CPNE1: variants seen among roughly 807,000 people sequenced by gnomAD.
The protein encoded by CPNE1 is copine-1.
In CPNE1, 58 loss-of-function variants were observed where a neutral mutation model predicts 63.2. The observed-to-expected ratio is 0.92, with a 90% CI of 0.74 to 1.14. The LOEUF is 1.14. Ranked by LOEUF, CPNE1 falls within the 50% of genes most tolerant of loss-of-function variation. The pLI is 0.00. For missense variants in CPNE1, 672 were observed against 661.7 expected, an observed-to-expected ratio of 1.02 and a Z score of -0.17; for synonymous variants, 237 against 249.0, an observed-to-expected ratio of 0.95 and a Z score of 0.45.
intron 1 of CPNE1, among the ~76,000 whole-genome samples, chr20:35,638,837 G>T (rs2032638084): frequency 6.6e-6 from 1 of 152,160 alleles, no homozygotes; most frequent in Non-Finnish European, 1.5e-5. Flanking sequence ...TAAAAATGAA[G>T]AATAAAGTAA....
At chr20:35,644,085 TAC>T (rs2032975861) in intron 1 of CPNE1, among the ~76,000 whole-genome samples, 1 of 152,162 alleles carries the variant, frequency 6.6e-6, no homozygotes, top group African/African-American at 2.4e-5. Context: ...ATGTTAACTT[TAC>T]AGTGTTATTT....
In CPNE1 at chr20:35,644,227, T is replaced by C. The variant is rs142992134; in HGVS notation, c.1-11304A>G. Among the ~76,000 whole-genome samples the C allele has an allele frequency of 3.2e-3, 481 of 152,252 alleles. 1 individual carries two copies. Among genetic ancestry groups the C allele is most frequent in the African/African-American group, 0.011 (446 of 41,540 alleles). On this transcript the variant is annotated intron_variant, in intron 1 of 15. Coordinates refer to ENST00000397443, the MANE Select transcript of CPNE1 (RefSeq NM_152925.3). Reference sequence around the variant, plus strand: ...CCTTTGGGTCCTTCTGCAGTATCATTAACTCCTTCTTGGTTAATTGGACCA... The same window carrying C: ...CCTTTGGGTCCTTCTGCAGTATCATCAACTCCTTCTTGGTTAATTGGACCA...
intron 1 of CPNE1, chr20:35,647,219 C>G (rs1487486352): frequency 6.8e-6 from 1 of 148,066 alleles, no homozygotes; most frequent in East Asian, 2.0e-4. Flanking sequence ...GAGGCTGAGG[C>G]AGGAGAATCG....
intron 1 of CPNE1, chr20:35,654,102 T>C: frequency 6.2e-7 from 1 of 1,614,212 alleles, no homozygotes; most frequent in South Asian, 1.1e-5. Flanking sequence ...ACCTGGGAAG[T>C]GTCTGAGGAG....
intron 1 of CPNE1, among the ~76,000 whole-genome samples, chr20:35,641,969 G>GT (rs767748596): frequency 1.3e-5 from 2 of 152,306 alleles, no homozygotes; most frequent in East Asian, 1.9e-4. Flanking sequence ...GGTGGCCTTG[G>GT]TAAGTTTAAA....
intron 3 of CPNE1, 65 bp downstream of exon 3, chr20:35,632,452 T>A (rs2032217885): frequency 1.2e-6 from 2 of 1,603,338 alleles, no homozygotes; most frequent in Non-Finnish European, 1.7e-6. Context: ...GCCCCCTACC[T>A]CCAGGCAGGC....
At chr20:35,629,969 A>G (rs2032006923) in intron 13 of CPNE1, among the ~76,000 whole-genome samples, 1 of 152,078 alleles carries the variant, frequency 6.6e-6, no homozygotes, top group African/African-American at 2.4e-5. Flanking sequence ...GCCTGGCATG[A>G]CGATTTGATT....
intron 1 of CPNE1, among the ~76,000 whole-genome samples, chr20:35,648,553 G>A (rs1223470786): frequency 6.6e-6 from 1 of 152,166 alleles, no homozygotes; most frequent in African/African-American, 2.4e-5. Context: ...ATTTAATAAT[G>A]GCTCAGCTAC....
chr20:35,661,393 GAAGGAT>G (rs1383834777), intron 1 of CPNE1, among the ~76,000 whole-genome samples: 1 of 152,164 alleles, frequency 6.6e-6, no homozygotes, highest in Non-Finnish European at 1.5e-5. Flanking sequence ...CTGAACTTTA[GAAGGAT>G]AAGACTAAAA....
At chr20:35,653,704 T>A in intron 1 of CPNE1, 2 of 1,614,180 alleles carry the variant, frequency 1.2e-6, no homozygotes, top group Non-Finnish European at 1.7e-6. Context: ...TTTGGCAGAG[T>A]TGACATCCCC....
intron 1 of CPNE1, among the ~76,000 whole-genome samples, chr20:35,634,319 TC>T (rs1284086980): frequency 6.7e-6 from 1 of 149,846 alleles, no homozygotes; most frequent in African/African-American, 2.5e-5. Flanking sequence ...CTCTAGTACT[TC>T]CCATTTCCTA....
chr20:35,638,452 A>T (rs2032612547), intron 1 of CPNE1, among the ~76,000 whole-genome samples: 1 of 152,212 alleles, frequency 6.6e-6, no homozygotes, highest in South Asian at 2.1e-4. Flanking sequence ...CCACAATGAG[A>T]TACTGTTACA....
chr20:35,662,242 C>T (rs2034272497), intron 1 of CPNE1, among the ~76,000 whole-genome samples: 1 of 152,168 alleles, frequency 6.6e-6, no homozygotes, highest in Non-Finnish European at 1.5e-5. Context: ...GTTTCAATCC[C>T]CCCAAATGCC....
chr20:35,628,796 A>G (rs1294864401), intron 13 of CPNE1, among the ~76,000 whole-genome samples: 1 of 152,248 alleles, frequency 6.6e-6, no homozygotes, highest in African/African-American at 2.4e-5. Flanking sequence ...TATAGGCTGG[A>G]TAATAGCATA....
intron 1 of CPNE1, among the ~76,000 whole-genome samples, chr20:35,647,839 G>A (rs1036220383): frequency 6.7e-6 from 1 of 149,018 alleles, no homozygotes; most frequent in African/African-American, 2.5e-5. Context: ...CGGATCATGA[G>A]ATCAGGAGGT....
Position 35,626,254 on chromosome 20 carries a change from G to C in CPNE1, c.1601C>G (p.Ala534Gly), listed in dbSNP as rs776135002. 14 of 1,614,056 alleles carry C rather than the reference G, an allele frequency of 8.7e-6. No individual in the cohort carries two copies. Among genetic ancestry groups the C allele is most frequent in the Non-Finnish European group, 1.1e-5 (13 of 1,180,038 alleles). Reference protein sequence around the residue: ...LPPSAKDPAQAPQA With the variant: ...LPPSAKDPAQGPQA ...CTCCAAGGGAACCTAGGCCTGGGGG[G>C]CCTGTGCAGGATCCTTGGCTGAGGG... The change falls in exon 16 of 16, where the codon GCC (alanine) becomes GGC (glycine). Residue 534 changes from alanine (A) to glycine (G), a missense_variant. Ala to Gly is a moderately conservative substitution (Grantham distance 60). Transcript: ENST00000397443.
At position 35,639,288 on chromosome 20, in the gene CPNE1, T is replaced by G. The variant is rs2032666770; in HGVS notation, c.1-6365A>C. ...AAATGGCGGATATATGGGTATAATT[T>G]TTTTCAACTTTGCTACATGTTGAAA... On this transcript the variant is annotated intron_variant, in intron 1 of 15. Coordinates refer to ENST00000397443, the MANE Select transcript of CPNE1 (RefSeq NM_152925.3). 2.0e-5 allele frequency among the ~76,000 whole-genome samples: 3 copies of G among 152,340 alleles called. No homozygotes were observed. In the South Asian group the frequency reaches 6.2e-4, roughly 32 times the overall value.
chr20:35,643,472 C>G, intron 1 of CPNE1: 1 of 152,400 alleles, frequency 6.6e-6, no homozygotes, highest in Non-Finnish European at 1.5e-5. Flanking sequence ...TAAGTTCAGG[C>G]AGGGTGCAGT....
intron 1 of CPNE1, chr20:35,651,201 C>A (rs144549619): frequency 9.5e-4 from 145 of 152,306 alleles, no homozygotes; most frequent in African/African-American, 3.4e-3. Context: ...CTTCAGAGCA[C>A]TGACTAGGGA....
Sources: gnomAD v4.1 joint callset for allele counts (sites outside exome capture counted in the v4.1 genomes callset) on GRCh38, gnomAD v4.1.1 for gene constraint, MANE v1.5 for transcripts, NCBI Gene and HGNC (gene_info 2026-07-23, HGNC 2026-07-21) for gene names.